Variants in ARMH3 observed in about 807,000 individuals in gnomAD.
The protein encoded by ARMH3 is armadillo like helical domain containing 3, also known as armadillo-like helical domain-containing protein 3.
ARMH3 carries 60 observed loss-of-function variants against 99.1 expected under a neutral mutation model. That is an observed-to-expected ratio of 0.61 (90% CI 0.49 to 0.75). ARMH3 has a LOEUF of 0.75. Ranked by LOEUF, ARMH3 falls within the 30% of genes least tolerant of loss-of-function variation. The pLI is 0.00. For synonymous variants in ARMH3, 285 were observed against 292.8 expected (o/e 0.97, Z 0.27); for missense variants, 679 against 843.1 (o/e 0.81, Z 2.41).
At chr10:101,928,176 T>C (rs1843581670) in intron 23 of ARMH3, among the ~76,000 whole-genome samples, 2 of 152,214 alleles carry the variant, frequency 1.3e-5, no homozygotes, top group South Asian at 2.1e-4. Flanking sequence ...ACCAGATACA[T>C]ACAAGATCTC....
intron 17 of ARMH3, among the ~76,000 whole-genome samples, chr10:101,992,597 G>A (rs1028785894): frequency 4.0e-5 from 6 of 151,462 alleles, no homozygotes; most frequent in Admixed American, 6.6e-5. Context: ...CTGGATTCGC[G>A]CCATTCTCCT....
At chr10:101,979,385 A>T (rs1001722162) in intron 19 of ARMH3, among the ~76,000 whole-genome samples, 1 of 152,260 alleles carries the variant, frequency 6.6e-6, no homozygotes, top group Non-Finnish European at 1.5e-5. Flanking sequence ...CACATATTCT[A>T]TTATTTCATT....
chr10:101,857,813 T>C (rs1218802140), intron 24 of ARMH3, among the ~76,000 whole-genome samples: 1 of 152,156 alleles, frequency 6.6e-6, no homozygotes, highest in African/African-American at 2.4e-5. Flanking sequence ...AAATGGAAGG[T>C]CTTATCTTTT....
intron 23 of ARMH3, among the ~76,000 whole-genome samples, chr10:101,931,401 G>A (rs1478852917): frequency 2.6e-5 from 4 of 152,114 alleles, no homozygotes; most frequent in South Asian, 4.2e-4. Context: ...GGTGGGCACC[G>A]ATAATCCTGG....
intron 23 of ARMH3, among the ~76,000 whole-genome samples, chr10:101,913,640 A>G (rs1483054094): frequency 6.6e-6 from 1 of 152,204 alleles, no homozygotes; most frequent in Non-Finnish European, 1.5e-5. Context: ...TGCTGGGATT[A>G]TAGGCGTAAG....
At chr10:101,947,044 C>T (rs1438874883) in intron 22 of ARMH3, among the ~76,000 whole-genome samples, 1 of 151,808 alleles carries the variant, frequency 6.6e-6, no homozygotes, top group Non-Finnish European at 1.5e-5. Flanking sequence ...AAAAATTAGC[C>T]AGGCGTGGTG....
chr10:102,006,486 C>T, intron 14 of ARMH3, 54 bp downstream of exon 14: 1 of 1,559,944 alleles, frequency 6.4e-7, no homozygotes, highest in Non-Finnish European at 8.8e-7. Context: ...TATGCTCACT[C>T]TGAGAGATCT....
chr10:101,847,672 G>C (rs1554845770), intron 25 of ARMH3, 52 bp from the exon 26 acceptor site: 2 of 1,532,720 alleles, frequency 1.3e-6, no homozygotes, highest in Non-Finnish European at 1.8e-6. Flanking sequence ...AGAGAAAACA[G>C]GAGAGAGTCA....
intron 24 of ARMH3, among the ~76,000 whole-genome samples, chr10:101,858,739 C>A (rs2066791071): frequency 6.6e-6 from 1 of 152,090 alleles, no homozygotes; most frequent in Non-Finnish European, 1.5e-5. Context: ...AGTGGCAGGC[C>A]CTCTCCTAGA....
chr10:102,023,010 G>A (rs995739738), intron 8 of ARMH3, among the ~76,000 whole-genome samples: 2 of 152,002 alleles, frequency 1.3e-5, no homozygotes, highest in Non-Finnish European at 1.5e-5. Flanking sequence ...CCAACATGGA[G>A]AAACCTATCT....
chr10:102,010,129 G>T, intron 11 of ARMH3, 106 bp from the exon 12 acceptor site: 1 of 1,005,002 alleles, frequency 1.0e-6, no homozygotes, highest in Non-Finnish European at 1.5e-6. Context: ...CTTCCACCTG[G>T]GGAGAACTTG....
Position 102,007,159 on chromosome 10 carries a change from C to CAAAAAAAAAAAAAAAAAAAAAAAAAAAAA in ARMH3, c.955-527_955-526insTTTTTTTTTTTTTTTTTTTTTTTTTTTTT, listed in dbSNP as rs10639768. ...CTGGTGACACAGCAAGACTCTATCT[C>CAAAAAAAAAAAAAAAAAAAAAAAAAAAAA]AAAAAAAAAAAAAAAAAAAGAAAAA... On this transcript the variant is annotated intron_variant, in intron 13 of 25. Coordinates refer to ENST00000370033, the MANE Select transcript of ARMH3 (RefSeq NM_024541.3). Among the ~76,000 whole-genome samples, 3 of 60,046 alleles carry CAAAAAAAAAAAAAAAAAAAAAAAAAAAAA rather than the reference C, an allele frequency of 5.0e-5. 1 individual carries two copies. The highest frequency in any genetic ancestry group is 1.3e-3 in the East Asian group (2 of 1,542). 39.4% of individuals were successfully genotyped at this position (60,046 alleles called of 152,430 possible).
Position 101,847,549 on chromosome 10 carries a change from C to G in ARMH3, c.2049G>C (p.Lys683Asn), listed in dbSNP as rs1468704520. 8 of 1,614,174 alleles carry G rather than the reference C, an allele frequency of 5.0e-6. No individual in the cohort carries two copies. The South Asian group carries it at 8.8e-5, about 18-fold the overall frequency. ...FHTLSQEVLLKEFSTIS is the reference protein window; with the variant it reads ...FHTLSQEVLLNEFSTIS ...GGCCTCAGGAGATAGTGGAGAACTC[C>G]TTGAGCAGGACTTCTTGGCTGAGTG... The change falls in exon 26 of 26, where the codon AAG (lysine) becomes AAC (asparagine). Residue 683 changes from lysine to asparagine, a missense_variant. Transcript: ENST00000370033.
intron 23 of ARMH3, among the ~76,000 whole-genome samples, chr10:101,910,504 C>A (rs1320025661): frequency 6.7e-6 from 1 of 150,052 alleles, no homozygotes; most frequent in Non-Finnish European, 1.5e-5. Flanking sequence ...CCGAGACGGG[C>A]AGATCACTTG....
intron 23 of ARMH3, among the ~76,000 whole-genome samples, chr10:101,938,658 T>A (rs1055238854): frequency 6.6e-6 from 1 of 152,196 alleles, no homozygotes; most frequent in East Asian, 1.9e-4. Flanking sequence ...TGCCCTTGGG[T>A]CATAAACAGA....
chr10:101,988,294 A>T (rs1007691560), intron 19 of ARMH3, among the ~76,000 whole-genome samples: 3 of 152,184 alleles, frequency 2.0e-5, no homozygotes, highest in South Asian at 2.1e-4. Context: ...AAAATGAAAA[A>T]ATTGAAACTA....
intron 1 of ARMH3, among the ~76,000 whole-genome samples, chr10:102,055,044 G>C (rs1320452793): frequency 6.7e-6 from 1 of 149,946 alleles, no homozygotes; most frequent in Non-Finnish European, 1.5e-5. Flanking sequence ...AAAAAAGGCC[G>C]GGCGCGGTGG....
intron 24 of ARMH3, among the ~76,000 whole-genome samples, chr10:101,862,992 T>C (rs1589923382): frequency 6.6e-6 from 1 of 151,768 alleles, no homozygotes; most frequent in African/African-American, 2.4e-5. Flanking sequence ...TCACCTGAGG[T>C]CGGGAGTTCG....
At chr10:101,868,134 G>C (rs1371225037) in intron 24 of ARMH3, among the ~76,000 whole-genome samples, 8 of 152,164 alleles carry the variant, frequency 5.3e-5, no homozygotes, top group Admixed American at 5.2e-4. Flanking sequence ...TGCAGATATG[G>C]ATCTTGGAGA....
Sources: gnomAD v4.1 joint callset for allele counts (sites outside exome capture counted in the v4.1 genomes callset) on GRCh38, gnomAD v4.1.1 for gene constraint, MANE v1.5 for transcripts, NCBI Gene and HGNC (gene_info 2026-07-23, HGNC 2026-07-21) for gene names.